Variants in ERICH1 observed in about 807,000 individuals in gnomAD.
ERICH1 encodes glutamate rich 1.
Under a neutral mutation model 39.6 loss-of-function variants are expected in ERICH1, and 56 were observed. The ratio of observed to expected loss-of-function variants is 1.41; its 90% CI spans 1.14 to 1.77. ERICH1 has a LOEUF of 1.77. Ranked by LOEUF, ERICH1 falls within the 40% of genes most tolerant of loss-of-function variation. The probability of loss-of-function intolerance (pLI) is 0.00; values close to 1 mark genes in which losing one functional copy is unlikely to be tolerated. For missense variants in ERICH1, 826 were observed against 575.4 expected (o/e 1.44, Z -4.45); for synonymous variants, 313 against 223.6 (o/e 1.40, Z -3.57).
At chr8:693,800 G>A (rs760720125) in intron 2 of ERICH1, among the ~76,000 whole-genome samples, 53 of 152,172 alleles carry the variant, frequency 3.5e-4, no homozygotes, top group Non-Finnish European at 4.9e-4. Context: ...CATCACCACC[G>A]TGGATGGCTA....
downstream of ERICH1, among the ~76,000 whole-genome samples, chr8:662,772 C>G (rs1361127143): frequency 6.6e-6 from 1 of 152,132 alleles, no homozygotes; most frequent in East Asian, 1.9e-4. Flanking sequence ...AGGAGTCCGG[C>G]TTGGACACCA....
chr8:627,142 G>T, intron 3 of ERICH1: 1 of 456,302 alleles, frequency 2.2e-6, no homozygotes, highest in South Asian at 1.5e-5. Context: ...TGGGAAGACA[G>T]ACAGCAGCAG....
At chr8:641,894 C>G (rs750607620) in intron 3 of ERICH1, among the ~76,000 whole-genome samples, 1 of 152,232 alleles carries the variant, frequency 6.6e-6, no homozygotes, top group Non-Finnish European at 1.5e-5. Flanking sequence ...TTTCTTCTGA[C>G]CCCATCTCGT....
chr8:627,091 A>T, intron 3 of ERICH1: 1 of 456,012 alleles, frequency 2.2e-6, no homozygotes, highest in Non-Finnish European at 4.4e-6. Context: ...ACGGGGATGG[A>T]CGTATCCCTA....
At chr8:628,308 T>A (rs1035729248) in intron 3 of ERICH1, among the ~76,000 whole-genome samples, 1 of 152,224 alleles carries the variant, frequency 6.6e-6, no homozygotes, top group Admixed American at 6.5e-5. Flanking sequence ...TGGACCTGCA[T>A]CCCAACTGTC....
intron 3 of ERICH1, among the ~76,000 whole-genome samples, chr8:687,969 C>G (rs1030699421): frequency 6.8e-6 from 1 of 148,120 alleles, no homozygotes; most frequent in South Asian, 2.1e-4. Context: ...GGCGAGAAGG[C>G]GCCGAGAGAC....
chr8:699,967 GCA>G (rs1811483581), intron 2 of ERICH1, among the ~76,000 whole-genome samples: 2 of 133,862 alleles, frequency 1.5e-5, no homozygotes, highest in South Asian at 2.4e-4. Context: ...CCGCACACGC[GCA>G]CAGACCCGCA....
intron 3 of ERICH1, among the ~76,000 whole-genome samples, chr8:688,163 A>T (rs1204204623): frequency 6.6e-6 from 1 of 151,866 alleles, no homozygotes; most frequent in Non-Finnish European, 1.5e-5. Flanking sequence ...TGCGCCCTCA[A>T]GGCCGTGGCG....
At chr8:670,942 G>A (rs1479044870) in intron 4 of ERICH1, among the ~76,000 whole-genome samples, 2 of 151,136 alleles carry the variant, frequency 1.3e-5, no homozygotes, top group Admixed American at 6.6e-5. Flanking sequence ...CGGTCCCCCA[G>A]GCTCCAACCT....
At chr8:640,121 A>G (rs1162373384) in intron 3 of ERICH1, among the ~76,000 whole-genome samples, 1 of 152,336 alleles carries the variant, frequency 6.6e-6, no homozygotes, top group Non-Finnish European at 1.5e-5. Flanking sequence ...TACTTGCCTG[A>G]GACATGGAAG....
intron 3 of ERICH1, chr8:616,513 G>A (rs1030860668): frequency 8.8e-6 from 4 of 455,948 alleles, no homozygotes; most frequent in African/African-American, 2.0e-5. Context: ...CCAGGAATTT[G>A]GAGTTGATAC....
intron 3 of ERICH1, among the ~76,000 whole-genome samples, chr8:622,791 A>T (rs1467701012): frequency 6.6e-6 from 1 of 151,856 alleles, no homozygotes; most frequent in Non-Finnish European, 1.5e-5. Context: ...TGTCTCTATA[A>T]AAAAATTTTT....
chr8:682,670 T>G (rs1446570021), intron 3 of ERICH1, among the ~76,000 whole-genome samples: 2 of 152,180 alleles, frequency 1.3e-5, no homozygotes, highest in Admixed American at 1.3e-4. Context: ...CACACTAACT[T>G]TAAAAGGAGT....
intron 3 of ERICH1, among the ~76,000 whole-genome samples, chr8:683,046 A>G (rs1806485565): frequency 6.6e-6 from 1 of 152,214 alleles, no homozygotes; most frequent in South Asian, 2.1e-4. Flanking sequence ...AAAATCCAGG[A>G]AAATATTTTG....
intron 2 of ERICH1, among the ~76,000 whole-genome samples, chr8:706,827 G>T (rs902599437): frequency 6.6e-6 from 1 of 152,124 alleles, no homozygotes; most frequent in Non-Finnish European, 1.5e-5. Context: ...ACAAAAGATG[G>T]TTGAAAGAAA....
At chr8:716,081 T>A (rs1165559651) in intron 1 of ERICH1, 74 bp from the exon 2 acceptor site, 11 of 1,504,110 alleles carry the variant, frequency 7.3e-6, no homozygotes, top group African/African-American at 1.4e-5. Flanking sequence ...CACACGTGAC[T>A]TTTACTCTAC....
chr8:644,933 C>T lies in ERICH1; in HGVS notation c.976+23665G>A, dbSNP rs1176661850. ...GGAGGCTGGGACCCGAACACACTGT[C>T]TGTTCTCTCAGAGGCAGGAGCTACG... is the stretch of plus-strand genomic sequence containing the variant. On this transcript the variant is annotated intron_variant, in intron 3 of 3. Transcript: ENST00000522706. Among the ~76,000 whole-genome samples, 11 of 69,218 alleles carry T rather than the reference C, an allele frequency of 1.6e-4. 5 individuals are homozygous for T. Among genetic ancestry groups the T allele is most frequent in the Admixed American group, 3.7e-4 (3 of 8,058 alleles). The allele number at this position is 69,218 out of a possible 152,430, so 45.4% of individuals were successfully genotyped here. A position where few individuals can be genotyped will look rare whatever the true frequency, so the allele number is the denominator to read the frequency against.
chr8:661,346 G>C (rs145674138), downstream of ERICH1, among the ~76,000 whole-genome samples: 2 of 152,116 alleles, frequency 1.3e-5, no homozygotes, highest in Non-Finnish European at 2.9e-5. Flanking sequence ...GCTGGGCCTG[G>C]GAAACAAATT....
At position 616,627 on chromosome 8, in the gene ERICH1, G is replaced by A. The variant is rs147381654; in HGVS notation, c.977-1343C>T. ...AATAAGAGTGAGTGGGGAGAGGGAG[G>A]CAGAGACAGAGAAGGAGAGACAGAC... On this transcript the variant is annotated intron_variant, in intron 3 of 3. Transcript: ENST00000522706. The A allele has an allele frequency of 1.8e-4, 81 of 454,524 alleles. 2 individuals are homozygous for A. The East Asian group carries it at 5.4e-3, about 30-fold the overall frequency. The allele number at this position is 454,524 out of a possible 1,614,324, so 28.2% of individuals were successfully genotyped here. A position where few individuals can be genotyped will look rare whatever the true frequency, so the allele number is the denominator to read the frequency against.
Sources: allele counts gnomAD v4.1 joint callset (sites outside exome capture counted in the v4.1 genomes callset), GRCh38; gene constraint gnomAD v4.1.1; transcripts MANE v1.5; gene names NCBI Gene and HGNC (gene_info 2026-07-23, HGNC 2026-07-21).